VWC2L: variants seen among roughly 807,000 people sequenced by gnomAD.
VWC2L encodes the protein von Willebrand factor C domain-containing protein 2-like.
Under a neutral mutation model 21.6 loss-of-function variants are expected in VWC2L, and 10 were observed. That is an observed-to-expected ratio of 0.46 (90% CI 0.29 to 0.78). VWC2L has a LOEUF of 0.78. Among genes scored for constraint, VWC2L ranks in the 30% least tolerant of loss-of-function variants. The probability of loss-of-function intolerance (pLI) is 0.10; values close to 1 mark genes in which losing one functional copy is unlikely to be tolerated. For missense variants in VWC2L, 209 were observed against 277.1 expected (o/e 0.75, Z 1.74); for synonymous variants, 96 against 94.3 (o/e 1.02, Z -0.10).
intron 3 of VWC2L, among the ~76,000 whole-genome samples, chr2:214,464,822 A>G (rs1370209052): frequency 1.3e-5 from 2 of 152,076 alleles, no homozygotes; most frequent in Non-Finnish European, 2.9e-5. Context: ...GCTATATTTT[A>G]CTGTGGCTGA....
chr2:214,450,794 T>C (rs1188478305), intron 3 of VWC2L, among the ~76,000 whole-genome samples: 1 of 152,162 alleles, frequency 6.6e-6, no homozygotes, highest in Admixed American at 6.5e-5. Context: ...TTTTCACATG[T>C]TTTCTCAATG....
At chr2:214,469,333 C>A (rs147854411) in intron 3 of VWC2L, among the ~76,000 whole-genome samples, 295 of 152,316 alleles carry the variant, frequency 1.9e-3, no homozygotes, top group African/African-American at 6.8e-3. Context: ...GGCACAGTGG[C>A]TCACGCCTGT....
intron 3 of VWC2L, among the ~76,000 whole-genome samples, chr2:214,542,189 T>C (rs776962730): frequency 2.0e-5 from 3 of 152,162 alleles, no homozygotes; most frequent in Non-Finnish European, 4.4e-5. Context: ...AGTAAAATTT[T>C]GGGAAAACAA....
intron 3 of VWC2L, among the ~76,000 whole-genome samples, chr2:214,500,537 C>T (rs1245116586): frequency 1.3e-5 from 2 of 152,214 alleles, no homozygotes; most frequent in Non-Finnish European, 2.9e-5. Flanking sequence ...AAGTCCTTCC[C>T]ATCTGAGCCT....
chr2:214,451,307 GT>G (rs1485307059), intron 3 of VWC2L, among the ~76,000 whole-genome samples: 5 of 88,592 alleles, frequency 5.6e-5, no homozygotes, highest in African/African-American at 1.8e-4. Context: ...GTGGGTCGGT[GT>G]GGGGGGGGGG....
intron 3 of VWC2L, among the ~76,000 whole-genome samples, chr2:214,555,158 C>A (rs1348316762): frequency 6.6e-6 from 1 of 152,208 alleles, no homozygotes; most frequent in Non-Finnish European, 1.5e-5. Context: ...AAGAGTGTAA[C>A]CCTTTCTACC....
At chr2:214,563,764 C>A (rs1238677510) in intron 3 of VWC2L, among the ~76,000 whole-genome samples, 1 of 152,034 alleles carries the variant, frequency 6.6e-6, no homozygotes, top group Non-Finnish European at 1.5e-5. Context: ...GAAGCACTCC[C>A]CTTGAAAACC....
At chr2:214,484,567 T>C (rs1319522136) in intron 3 of VWC2L, among the ~76,000 whole-genome samples, 4 of 152,132 alleles carry the variant, frequency 2.6e-5, no homozygotes, top group African/African-American at 9.7e-5. Context: ...GGCAGAACAA[T>C]GGAAAATCAT....
intron 3 of VWC2L, among the ~76,000 whole-genome samples, chr2:214,520,357 T>A (rs1463423830): frequency 1.3e-5 from 2 of 152,222 alleles, no homozygotes; most frequent in African/African-American, 4.8e-5. Context: ...GACTTTAATG[T>A]CTGTAAATAT....
chr2:214,489,234 T>G lies in VWC2L; in HGVS notation c.520+52476T>G, dbSNP rs59545317. ...TTTTTATCAATTAGTTCTGAAGGAG[T>G]CTGTGGTAGTGACAGGCAAATAGCA... On this transcript the variant is annotated intron_variant, in intron 3 of 3. Transcript: ENST00000312504. 5.6e-3 allele frequency among the ~76,000 whole-genome samples: 852 copies of G among 152,182 alleles called. 12 individuals are homozygous for G. Among genetic ancestry groups the G allele is most frequent in the African/African-American group, 0.019 (788 of 41,510 alleles).
intron 3 of VWC2L, among the ~76,000 whole-genome samples, chr2:214,483,969 T>G (rs1355263024): frequency 2.0e-5 from 3 of 152,180 alleles, no homozygotes; most frequent in African/African-American, 7.2e-5. Flanking sequence ...CCATCTTCCC[T>G]CCAGAAACTC....
At chr2:214,504,314 A>G (rs1192458822) in intron 3 of VWC2L, among the ~76,000 whole-genome samples, 2 of 152,200 alleles carry the variant, frequency 1.3e-5, no homozygotes, top group Non-Finnish European at 2.9e-5. Context: ...TTACCCATGC[A>G]CTTATTAAGG....
At chr2:214,562,692 G>A (rs1299192713) in intron 3 of VWC2L, among the ~76,000 whole-genome samples, 4 of 152,174 alleles carry the variant, frequency 2.6e-5, no homozygotes, top group Non-Finnish European at 1.5e-5. Flanking sequence ...GGCATGAGAT[G>A]GTTGGCATCT....
chr2:214,532,419 GAAAC>G (rs1689450911), intron 3 of VWC2L, among the ~76,000 whole-genome samples: 2 of 152,030 alleles, frequency 1.3e-5, no homozygotes, highest in Admixed American at 1.3e-4. Flanking sequence ...ATCACACTAA[GAAAC>G]AGACACCCCA....
At chr2:214,559,075 C>T (rs1018770898) in intron 3 of VWC2L, among the ~76,000 whole-genome samples, 51 of 146,442 alleles carry the variant, frequency 3.5e-4, no homozygotes, top group African/African-American at 1.3e-3. Flanking sequence ...AGAAAATTTT[C>T]ACAACCTACT....
In VWC2L at chr2:214,507,104, A is replaced by C. The variant is rs529125784; in HGVS notation, c.521-68568A>C. Among the ~76,000 whole-genome samples the C allele has an allele frequency of 4.6e-5, 7 of 152,298 alleles. No homozygotes were observed. In the East Asian group the frequency reaches 1.3e-3, roughly 29 times the overall value. On this transcript the variant is annotated intron_variant, in intron 3 of 3. Transcript: ENST00000312504. ...TACTAGAGTATAAGCATATTTTTAT[A>C]AAATATTTTTAAAATATGTGGACTT...
intron 3 of VWC2L, among the ~76,000 whole-genome samples, chr2:214,537,742 T>C (rs1484591053): frequency 6.6e-6 from 1 of 152,136 alleles, no homozygotes; most frequent in Admixed American, 6.6e-5. Context: ...CAAAAATGTA[T>C]GAATGAATGG....
chr2:214,551,919 T>A (rs533996262), intron 3 of VWC2L, among the ~76,000 whole-genome samples: 9 of 152,368 alleles, frequency 5.9e-5, no homozygotes, highest in Admixed American at 2.0e-4. Flanking sequence ...TCCTTCACAG[T>A]AAAATGAAAT....
At chr2:214,486,181 G>A (rs541643678) in intron 3 of VWC2L, among the ~76,000 whole-genome samples, 2 of 152,272 alleles carry the variant, frequency 1.3e-5, no homozygotes, top group African/African-American at 2.4e-5. Flanking sequence ...TCCTGATAAG[G>A]AATGTCACAG....
Sources: allele counts gnomAD v4.1 joint callset (sites outside exome capture counted in the v4.1 genomes callset), GRCh38; gene constraint gnomAD v4.1.1; transcripts MANE v1.5; gene names NCBI Gene and HGNC (gene_info 2026-07-23, HGNC 2026-07-21).